Variants in WNK1 observed in about 807,000 individuals in gnomAD.
WNK1 encodes the protein serine/threonine-protein kinase WNK1.
Under a neutral mutation model 222.8 loss-of-function variants are expected in WNK1, and 38 were observed. The ratio of observed to expected loss-of-function variants is 0.17; its 90% CI spans 0.13 to 0.22. WNK1 has a LOEUF of 0.22. WNK1 is among the 10% of genes least tolerant of loss of function. The pLI is 1.00. For synonymous variants in WNK1, 1,090 were observed against 1,092.9 expected, an observed-to-expected ratio of 1.00 and a Z score of 0.05; for missense variants, 2,348 against 2,918.4, an observed-to-expected ratio of 0.80 and a Z score of 4.50.
Position 892,079 on chromosome 12 carries a change from TTTA to T in WNK1, c.5509+1577_5509+1579del, listed in dbSNP as rs1263950641. ...CTTGGAAATCTTTTTTTTTTTTAAT[TTTA>T]TTATTATTATACTTTTAAGTTTTAG... On this transcript the variant is annotated intron_variant, in intron 22 of 27. Coordinates refer to ENST00000315939, the MANE Select transcript of WNK1 (RefSeq NM_018979.4). 1.1e-4 allele frequency among the ~76,000 whole-genome samples: 17 copies of T among 151,698 alleles called. No individual in the cohort carries two copies. The East Asian group carries it at 1.5e-3, about 14-fold the overall frequency.
intron 4 of WNK1, among the ~76,000 whole-genome samples, chr12:853,977 C>T (rs962726072): frequency 9.2e-5 from 14 of 152,120 alleles, no homozygotes; most frequent in Non-Finnish European, 1.9e-4. Flanking sequence ...TCTCAAACAG[C>T]TGGGCTCAAA....
At chr12:821,725 G>A (rs116359592) in intron 2 of WNK1, among the ~76,000 whole-genome samples, 2,316 of 152,148 alleles carry the variant, frequency 0.015, 59 homozygotes, top group African/African-American at 0.053. Context: ...TGGCTTTATT[G>A]TTTGATGTAT....
At chr12:887,196 T>A (rs1362958405) in intron 19 of WNK1, 25 bp from the exon 20 acceptor site, 1 of 1,612,740 alleles carries the variant, frequency 6.2e-7, no homozygotes. Context: ...TCTCACGGAC[T>A]TGATTTTCCC....
intron 1 of WNK1, among the ~76,000 whole-genome samples, chr12:808,496 A>G (rs534758949): frequency 1.3e-5 from 2 of 150,764 alleles, no homozygotes; most frequent in East Asian, 3.9e-4. Flanking sequence ...ATAGAACTAA[A>G]TGTGTTTTTT....
intron 5 of WNK1, among the ~76,000 whole-genome samples, chr12:857,920 A>T (rs1336172470): frequency 6.6e-6 from 1 of 152,230 alleles, no homozygotes; most frequent in Non-Finnish European, 1.5e-5. Flanking sequence ...GAAAAAGGAG[A>T]CCAGCTAGTA....
At chr12:755,058 A>T (rs911808692) in intron 1 of WNK1, among the ~76,000 whole-genome samples, 32 of 152,324 alleles carry the variant, frequency 2.1e-4, no homozygotes, top group African/African-American at 7.5e-4. Context: ...AACTTTCCCA[A>T]GAGTCCGAAG....
intron 19 of WNK1, 58 bp downstream of exon 19, chr12:886,142 T>C: frequency 1.4e-6 from 2 of 1,420,274 alleles, no homozygotes. Context: ...TTCTCCCTAA[T>C]GAGTACATTT....
At chr12:863,933 G>C (rs1048547991) in intron 8 of WNK1, among the ~76,000 whole-genome samples, 11 of 151,998 alleles carry the variant, frequency 7.2e-5, no homozygotes, top group African/African-American at 2.7e-4. Context: ...CTTGGTATTG[G>C]TGGGCCACAG....
rs1952968012 is a variant in WNK1 at position 879,664 on chromosome 12, C to T, written c.2465C>T (p.Ala822Val). 2 of 1,613,876 alleles carry T rather than the reference C, an allele frequency of 1.2e-6. No homozygotes were observed. The highest frequency in any genetic ancestry group is 1.7e-6 in the Non-Finnish European group (2 of 1,179,962). The stretch of plus-strand genomic sequence containing the variant: ...TCGGTTGTTCCAGTCCACTCTGGTG[C>T]TCATTTCCTTCCAGTGGGACAGCCG... The part of the protein sequence containing the change: ...QPSVVPVHSG[A>V]HFLPVGQPLP... Residue 822 changes from alanine (A) to valine (V), a missense_variant, in exon 11 of 28, where the codon GCT (alanine) becomes GTT (valine). Physicochemically the swap from Ala to Val is moderately conservative, Grantham distance 64. Coordinates refer to ENST00000315939, the MANE Select transcript of WNK1 (RefSeq NM_018979.4).
chr12:869,305 A>G (rs1216818820), intron 8 of WNK1: 2 of 704,362 alleles, frequency 2.8e-6, no homozygotes, highest in Non-Finnish European at 2.4e-6. Context: ...TACCTGATTT[A>G]CCTATTATAT....
chr12:792,427 C>A (rs1944933611), intron 1 of WNK1, among the ~76,000 whole-genome samples: 1 of 151,148 alleles, frequency 6.6e-6, no homozygotes, highest in Non-Finnish European at 1.5e-5. Context: ...ATTCTCCCTG[C>A]CTCAGCCTCC....
chr12:887,194 A>G (rs1271221431), intron 19 of WNK1, 27 bp from the exon 20 acceptor site: 1 of 1,610,176 alleles, frequency 6.2e-7, no homozygotes, highest in Non-Finnish European at 8.5e-7. Flanking sequence ...CGTCTCACGG[A>G]CTTGATTTTC....
chr12:869,545 G>A (rs896741193), intron 8 of WNK1, among the ~76,000 whole-genome samples: 2 of 151,992 alleles, frequency 1.3e-5, no homozygotes, highest in African/African-American at 4.8e-5. Flanking sequence ...ATGGAAAATA[G>A]GGAATGCTGT....
intron 4 of WNK1, among the ~76,000 whole-genome samples, chr12:833,922 A>G (rs1948994979): frequency 1.3e-5 from 2 of 152,178 alleles, no homozygotes; most frequent in Admixed American, 1.3e-4. Flanking sequence ...TCAGAAAACT[A>G]CCTCTAATAT....
At chr12:808,794 A>G (rs1355496746) in intron 1 of WNK1, among the ~76,000 whole-genome samples, 1 of 123,878 alleles carries the variant, frequency 8.1e-6, no homozygotes, top group African/African-American at 3.1e-5. Context: ...AAGGAGTTCC[A>G]CTCTTGTTGC....
intron 1 of WNK1, among the ~76,000 whole-genome samples, chr12:791,454 T>C (rs1805360696): frequency 6.6e-6 from 1 of 152,162 alleles, no homozygotes; most frequent in Non-Finnish European, 1.5e-5. Flanking sequence ...TTTTGTACAG[T>C]ATGGTTCTTT....
At chr12:861,419 C>T (rs750933178) in intron 7 of WNK1, 76 bp downstream of exon 7, 29 of 1,433,524 alleles carry the variant, frequency 2.0e-5, no homozygotes, top group Non-Finnish European at 2.8e-5. Context: ...TTATTTTGCA[C>T]TGGCTTTTTG....
chr12:762,280 G>C (rs907333476), intron 1 of WNK1, among the ~76,000 whole-genome samples: 2 of 146,160 alleles, frequency 1.4e-5, no homozygotes, highest in African/African-American at 4.9e-5. Flanking sequence ...GGCTGGTCTC[G>C]AACTCCTGAC....
intron 26 of WNK1, among the ~76,000 whole-genome samples, chr12:902,133 T>TA (rs56144609): frequency 0.042 from 5,667 of 136,172 alleles, 150 homozygotes; most frequent in Non-Finnish European, 0.065. Flanking sequence ...ACCCCATCTC[T>TA]AAAAAAAAAA....
Sources: allele counts gnomAD v4.1 joint callset (sites outside exome capture counted in the v4.1 genomes callset), GRCh38; gene constraint gnomAD v4.1.1; transcripts MANE v1.5; gene names NCBI Gene and HGNC (gene_info 2026-07-23, HGNC 2026-07-21).